The following CNTNAP5 variants were observed in gnomAD, a reference collection of about 807,000 sequenced individuals.
CNTNAP5 encodes contactin associated protein family member 5.
In CNTNAP5, 72 loss-of-function variants were observed where a neutral mutation model predicts 150.2. The observed-to-expected ratio is 0.48, with a 90% CI of 0.40 to 0.58. CNTNAP5 has a LOEUF of 0.58. Ranked by LOEUF, CNTNAP5 falls within the 20% of genes least tolerant of loss-of-function variation. The pLI is 0.00. For synonymous variants in CNTNAP5, 672 were observed against 619.8 expected, an observed-to-expected ratio of 1.08 and a Z score of -1.25; for missense variants, 1,636 against 1,626.2, an observed-to-expected ratio of 1.01 and a Z score of -0.10.
chr2:124,420,718 T>C (rs1692081409), intron 4 of CNTNAP5, among the ~76,000 whole-genome samples: 1 of 152,208 alleles, frequency 6.6e-6, no homozygotes, highest in Non-Finnish European at 1.5e-5. Flanking sequence ...AAAATTCACC[T>C]GTGGACTACA....
At chr2:124,539,370 A>C (rs1695323350) in intron 10 of CNTNAP5, among the ~76,000 whole-genome samples, 1 of 152,306 alleles carries the variant, frequency 6.6e-6, no homozygotes, top group Admixed American at 6.5e-5. Context: ...GATGCCATCC[A>C]CTTTAACACT....
intron 13 of CNTNAP5, among the ~76,000 whole-genome samples, chr2:124,651,146 T>G (rs565404456): frequency 7.0e-4 from 107 of 152,224 alleles, no homozygotes; most frequent in South Asian, 1.4e-3. Context: ...CAAAGATGAT[T>G]ATAAATAGTT....
chr2:124,164,517 A>T (rs933290045), intron 1 of CNTNAP5, among the ~76,000 whole-genome samples: 3 of 152,178 alleles, frequency 2.0e-5, no homozygotes, highest in Non-Finnish European at 4.4e-5. Flanking sequence ...TCTTTGAGGA[A>T]GTGACATTTG....
chr2:124,449,442 C>T (rs1482649495), intron 6 of CNTNAP5, among the ~76,000 whole-genome samples: 1 of 152,120 alleles, frequency 6.6e-6, no homozygotes, highest in Non-Finnish European at 1.5e-5. Context: ...ACATACTTTC[C>T]CTTTAATGTC....
intron 3 of CNTNAP5, among the ~76,000 whole-genome samples, chr2:124,351,213 A>T (rs1449482503): frequency 1.3e-5 from 2 of 152,186 alleles, no homozygotes; most frequent in South Asian, 2.1e-4. Flanking sequence ...TATTCTTTGC[A>T]TTCTTTAACA....
rs569595839 is a variant in CNTNAP5, at chr2:124,408,694, A to C, written c.382-8749A>C. On this transcript the variant is annotated intron_variant, in intron 3 of 23. Transcript: ENST00000682447. ...GAGGGTCCTGTCTGTTAGAAGGAAAACTAACAAACAGAAAGGACATCCACA... is the reference window on the plus strand; with the variant it reads ...GAGGGTCCTGTCTGTTAGAAGGAAACCTAACAAACAGAAAGGACATCCACA... Among the ~76,000 whole-genome samples the C allele has an allele frequency of 1.9e-3, 284 of 150,728 alleles. 2 individuals carry two copies. The highest frequency in any genetic ancestry group is 6.5e-3 in the African/African-American group (266 of 41,140).
chr2:124,433,857 A>T (rs1168976361), intron 4 of CNTNAP5, among the ~76,000 whole-genome samples: 1 of 152,172 alleles, frequency 6.6e-6, no homozygotes, highest in East Asian at 1.9e-4. Flanking sequence ...TGCTTTGACA[A>T]TAAGGAATTA....
At chr2:124,309,353 C>T (rs1490204379) in intron 3 of CNTNAP5, among the ~76,000 whole-genome samples, 2 of 152,084 alleles carry the variant, frequency 1.3e-5, no homozygotes, top group Non-Finnish European at 1.5e-5. Flanking sequence ...CAGAGCCTGA[C>T]ATATACTACA....
At chr2:124,062,891 T>C (rs888800160) in intron 1 of CNTNAP5, among the ~76,000 whole-genome samples, 4 of 152,132 alleles carry the variant, frequency 2.6e-5, no homozygotes, top group Non-Finnish European at 5.9e-5. Flanking sequence ...GACACAGCAG[T>C]CATATTTATC....
intron 1 of CNTNAP5, among the ~76,000 whole-genome samples, chr2:124,167,470 C>T (rs1684834085): frequency 6.6e-6 from 1 of 152,104 alleles, no homozygotes; most frequent in African/African-American, 2.4e-5. Flanking sequence ...CTCAACACTG[C>T]ATAAAAATTC....
rs191782142 is a variant in CNTNAP5 at position 124,379,977 on chromosome 2, T to C, written c.382-37466T>C. The stretch of plus-strand genomic sequence containing the variant: ...ACAGAAATCAGAATTAGAATTCAGA[T>C]CTGGATTACCATGTTTGTTTATGTT... On this transcript the variant is annotated intron_variant, in intron 3 of 23. Transcript: ENST00000682447. Among the ~76,000 whole-genome samples, 18 of 152,304 alleles carry C rather than the reference T, an allele frequency of 1.2e-4. No individual in the cohort carries two copies. The South Asian group carries it at 2.1e-3, about 18-fold the overall frequency.
intron 1 of CNTNAP5, among the ~76,000 whole-genome samples, chr2:124,115,037 A>T (rs1386198229): frequency 1.3e-5 from 2 of 152,014 alleles, no homozygotes; most frequent in Non-Finnish European, 2.9e-5. Flanking sequence ...TACTATAATG[A>T]TGTTATGATA....
At chr2:124,411,270 T>C (rs1243821161) in intron 3 of CNTNAP5, among the ~76,000 whole-genome samples, 4 of 152,138 alleles carry the variant, frequency 2.6e-5, no homozygotes, top group South Asian at 2.1e-4. Flanking sequence ...CAGGACCAGA[T>C]GGATTCACAG....
chr2:124,713,287 T>TTC (rs1288566771), intron 13 of CNTNAP5, among the ~76,000 whole-genome samples: 20 of 128,286 alleles, frequency 1.6e-4, no homozygotes, highest in Non-Finnish European at 3.3e-4. Flanking sequence ...CTTTCTTTCT[T>TTC]TCTTTCTTTC....
chr2:124,261,025 C>A (rs555712262), intron 3 of CNTNAP5, among the ~76,000 whole-genome samples: 2 of 152,022 alleles, frequency 1.3e-5, no homozygotes, highest in Non-Finnish European at 2.9e-5. Context: ...GGTGGAAATA[C>A]ACCTCAAATT....
intron 10 of CNTNAP5, among the ~76,000 whole-genome samples, chr2:124,557,551 T>C (rs939457509): frequency 2.0e-5 from 3 of 152,160 alleles, no homozygotes; most frequent in Non-Finnish European, 2.9e-5. Flanking sequence ...CTTCCTACTT[T>C]GGGTACGTCA....
At chr2:124,652,338 G>C (rs922083907) in intron 13 of CNTNAP5, among the ~76,000 whole-genome samples, 6 of 152,268 alleles carry the variant, frequency 3.9e-5, no homozygotes, top group Admixed American at 2.6e-4. Context: ...AGAGCCCAGG[G>C]GGGGAGAATC....
chr2:124,403,443 AG>A (rs1408548146), intron 3 of CNTNAP5, among the ~76,000 whole-genome samples: 2 of 152,162 alleles, frequency 1.3e-5, no homozygotes, highest in African/African-American at 2.4e-5. Flanking sequence ...GATTAAGAAA[AG>A]TTTTTTTTAT....
chr2:124,049,922 G>C (rs1681645414), intron 1 of CNTNAP5, among the ~76,000 whole-genome samples: 1 of 152,154 alleles, frequency 6.6e-6, no homozygotes, highest in African/African-American at 2.4e-5. Context: ...GGTGGAGGGA[G>C]CGAGAAAGCT....
Sources: gnomAD v4.1 joint callset for allele counts (sites outside exome capture counted in the v4.1 genomes callset) on GRCh38, gnomAD v4.1.1 for gene constraint, MANE v1.5 for transcripts, NCBI Gene and HGNC (gene_info 2026-07-23, HGNC 2026-07-21) for gene names.